The following TAF1B variants were observed in gnomAD, a reference collection of about 807,000 sequenced individuals.
TAF1B encodes the protein TATA-box binding protein associated factor, RNA polymerase I subunit B.
Under a neutral mutation model 83.9 loss-of-function variants are expected in TAF1B, and 61 were observed. The observed-to-expected ratio is 0.73, with a 90% CI of 0.59 to 0.90. The LOEUF is 0.90. Among genes scored for constraint, TAF1B ranks in the 40% least tolerant of loss-of-function variants. The probability of loss-of-function intolerance (pLI) is 0.00; values close to 1 mark genes in which losing one functional copy is unlikely to be tolerated. For synonymous variants in TAF1B, 221 were observed against 224.6 expected, an observed-to-expected ratio of 0.98 and a Z score of 0.14; for missense variants, 625 against 677.0, an observed-to-expected ratio of 0.92 and a Z score of 0.85.
Position 9,843,708 on chromosome 2 carries a change from A to C in TAF1B, c.18+149A>C, listed in dbSNP as rs894037826. ...CGGAGGGCTGCAGGGCGGGCTAAGG[A>C]CTGGGGCTGGCCGGCCGCATGCGCG... On this transcript the variant is annotated intron_variant, in intron 1 of 14. Transcript: ENST00000263663. 7.7e-6 allele frequency: 7 copies of C among 908,904 alleles called. No homozygotes were observed. In the Admixed American group the frequency reaches 1.1e-4, roughly 14 times the overall value. The allele number at this position is 908,904 out of a possible 1,614,324, so 56.3% of individuals were successfully genotyped here.
At chr2:9,884,856 C>T (rs1243451405) in intron 8 of TAF1B, among the ~76,000 whole-genome samples, 1 of 152,104 alleles carries the variant, frequency 6.6e-6, no homozygotes, top group Admixed American at 6.5e-5. Context: ...GCTCTCAGGA[C>T]AACCTGCCCT....
At chr2:9,893,895 A>C (rs953143356) in intron 8 of TAF1B, among the ~76,000 whole-genome samples, 4 of 152,210 alleles carry the variant, frequency 2.6e-5, no homozygotes, top group African/African-American at 9.6e-5. Context: ...TAAGTTGGGT[A>C]GTGGATTCAT....
chr2:9,924,720 G>A lies in TAF1B; in HGVS notation c.1565+4900G>A, dbSNP rs73163643. On this transcript the variant is annotated intron_variant, in intron 14 of 14. Transcript: ENST00000263663. ...ACAATGAAAAGTGATGCTTATGAGAGCAAATATTTAGCTATGTATCGAATT... is the reference window on the plus strand; with the variant it reads ...ACAATGAAAAGTGATGCTTATGAGAACAAATATTTAGCTATGTATCGAATT... Among the ~76,000 whole-genome samples the A allele has an allele frequency of 3.7e-3, 570 of 152,296 alleles. 5 individuals carry two copies. Among genetic ancestry groups the A allele is most frequent in the African/African-American group, 0.013 (532 of 41,550 alleles).
chr2:9,905,129 C>T (rs1164981796), intron 9 of TAF1B, 123 bp downstream of exon 9: 10 of 751,462 alleles, frequency 1.3e-5, no homozygotes, highest in Non-Finnish European at 2.0e-5. Context: ...TTACATGAAA[C>T]TTAATGTCAA....
intron 5 of TAF1B, among the ~76,000 whole-genome samples, chr2:9,859,490 G>A (rs1340887615): frequency 6.6e-6 from 1 of 151,014 alleles, no homozygotes; most frequent in Non-Finnish European, 1.5e-5. Context: ...GGATTCAAGC[G>A]ATTTTTGTGG....
intron 9 of TAF1B, among the ~76,000 whole-genome samples, chr2:9,906,475 C>T (rs1225882107): frequency 6.6e-6 from 1 of 152,026 alleles, no homozygotes; most frequent in Admixed American, 6.6e-5. Context: ...AAAAATTACC[C>T]ATAAATGTCA....
At position 9,917,489 on chromosome 2, in the gene TAF1B, A is replaced by C. The variant is rs116100058; in HGVS notation, c.1272-1552A>C. On this transcript the variant is annotated intron_variant, in intron 12 of 14. Transcript: ENST00000263663. Reference sequence around the variant, plus strand: ...GATATTTCTTGAGTATCTACTAGCCAGGCACTTTGTCAAGTACTAATAATA... The same window carrying C: ...GATATTTCTTGAGTATCTACTAGCCCGGCACTTTGTCAAGTACTAATAATA... 6.7e-3 allele frequency among the ~76,000 whole-genome samples: 1,021 copies of C among 152,322 alleles called. 11 individuals carry two copies. The highest frequency in any genetic ancestry group is 0.024 in the African/African-American group (988 of 41,584).
intron 9 of TAF1B, among the ~76,000 whole-genome samples, chr2:9,910,503 T>G (rs1308260187): frequency 6.6e-6 from 1 of 152,164 alleles, no homozygotes; most frequent in Non-Finnish European, 1.5e-5. Flanking sequence ...CCAGGATGTG[T>G]CCTAGAAATA....
chr2:9,898,957 C>T (rs1461523933), intron 8 of TAF1B, among the ~76,000 whole-genome samples: 1 of 150,374 alleles, frequency 6.7e-6, no homozygotes, highest in Non-Finnish European at 1.5e-5. Context: ...TTTCTCCTGC[C>T]ACCTTGTCTG....
chr2:9,885,817 G>A (rs1294280776), intron 8 of TAF1B, among the ~76,000 whole-genome samples: 1 of 143,834 alleles, frequency 7.0e-6, no homozygotes, highest in African/African-American at 2.7e-5. Context: ...AAGTTATATT[G>A]ATAATTTTTG....
At chr2:9,868,671 A>G in intron 6 of TAF1B, 1 of 641,050 alleles carries the variant, frequency 1.6e-6, no homozygotes, top group African/African-American at 1.8e-5. Flanking sequence ...AGGGACATAA[A>G]GTTCAAGTGG....
intron 3 of TAF1B, among the ~76,000 whole-genome samples, chr2:9,851,303 A>C (rs974126926): frequency 6.6e-6 from 1 of 152,136 alleles, no homozygotes; most frequent in Non-Finnish European, 1.5e-5. Flanking sequence ...AATTATACAA[A>C]ATATTTAGTT....
chr2:9,913,415 A>G (rs904951917), intron 12 of TAF1B, 166 bp downstream of exon 12: 13 of 496,846 alleles, frequency 2.6e-5, no homozygotes, highest in African/African-American at 7.9e-5. Flanking sequence ...TTACATTACT[A>G]TTAATCAAAG....
At chr2:9,904,170 A>G (rs1469183927) in intron 8 of TAF1B, among the ~76,000 whole-genome samples, 1 of 151,960 alleles carries the variant, frequency 6.6e-6, no homozygotes, top group East Asian at 1.9e-4. Context: ...GGTTTGTTAC[A>G]TGGGTAAATT....
At chr2:9,843,638 G>A (rs1325396277) in intron 1 of TAF1B, 79 bp downstream of exon 1, 5 of 1,390,670 alleles carry the variant, frequency 3.6e-6, no homozygotes, top group African/African-American at 1.5e-5. Context: ...GGCGGAGGAC[G>A]CCGCGGGTTG....
intron 4 of TAF1B, among the ~76,000 whole-genome samples, chr2:9,853,056 G>T (rs1663449336): frequency 6.6e-6 from 1 of 152,192 alleles, no homozygotes; most frequent in African/African-American, 2.4e-5. Context: ...CTGATAGTGG[G>T]GGGGTTGTGA....
chr2:9,926,248 A>G (rs1329564837), intron 14 of TAF1B, among the ~76,000 whole-genome samples: 1 of 152,224 alleles, frequency 6.6e-6, no homozygotes, highest in Non-Finnish European at 1.5e-5. Flanking sequence ...ATATGCAGTC[A>G]GTGATTAGAT....
At chr2:9,863,395 A>G (rs1028210592) in intron 5 of TAF1B, among the ~76,000 whole-genome samples, 5 of 152,246 alleles carry the variant, frequency 3.3e-5, no homozygotes, top group African/African-American at 1.2e-4. Flanking sequence ...AAGAAGAGCT[A>G]ACTATCCTAA....
At chr2:9,929,162 T>TGTTGTTGTC (rs1553295020) in intron 14 of TAF1B, among the ~76,000 whole-genome samples, 1 of 151,988 alleles carries the variant, frequency 6.6e-6, no homozygotes, top group Non-Finnish European at 1.5e-5. Flanking sequence ...TTGTTGTTGT[T>TGTTGTTGTC]GTTGTTGTTG....
Sources: allele counts gnomAD v4.1 joint callset (sites outside exome capture counted in the v4.1 genomes callset), GRCh38; gene constraint gnomAD v4.1.1; transcripts MANE v1.5; gene names NCBI Gene and HGNC (gene_info 2026-07-23, HGNC 2026-07-21).